The following NELL2 variants were observed in gnomAD, a reference collection of about 807,000 sequenced individuals.
NELL2 encodes protein kinase C-binding protein NELL2.
NELL2 carries 41 observed loss-of-function variants against 109.6 expected under a neutral mutation model. That is an observed-to-expected ratio of 0.37 (90% CI 0.29 to 0.49). The LOEUF (loss-of-function observed/expected upper bound fraction) is 0.49. Ranked by LOEUF, NELL2 falls within the 20% of genes least tolerant of loss-of-function variation. NELL2 has a pLI of 0.98. For missense variants in NELL2, 900 were observed against 1,008.3 expected (o/e 0.89, Z 1.45); for synonymous variants, 355 against 344.7 (o/e 1.03, Z -0.33).
intron 10 of NELL2, among the ~76,000 whole-genome samples, 190 bp from the exon 11 acceptor site, chr12:44,711,584 T>C (rs1038426308): frequency 1.2e-4 from 19 of 152,022 alleles, no homozygotes; most frequent in African/African-American, 4.6e-4. Flanking sequence ...AATAAGCAAG[T>C]CTTTAGAATA....
chr12:44,528,070 C>G (rs1481164540), intron 16 of NELL2, among the ~76,000 whole-genome samples: 1 of 127,136 alleles, frequency 7.9e-6, no homozygotes, highest in Non-Finnish European at 1.6e-5. Context: ...TGCACTCCAG[C>G]CTGGGCGACA....
At chr12:44,549,252 A>C (rs996005271) in intron 15 of NELL2, among the ~76,000 whole-genome samples, 10 of 152,204 alleles carry the variant, frequency 6.6e-5, no homozygotes, top group Non-Finnish European at 2.9e-5. Context: ...CCTTGTTGGC[A>C]CATAGCTAGA....
At chr12:44,613,087 C>T (rs901752495) in intron 13 of NELL2, among the ~76,000 whole-genome samples, 2 of 151,934 alleles carry the variant, frequency 1.3e-5, no homozygotes, top group African/African-American at 4.8e-5. Flanking sequence ...AGTGTCCTTC[C>T]CCACAGATTC....
At chr12:44,912,248 A>G (rs1055768914) in intron 1 of NELL2, among the ~76,000 whole-genome samples, 9 of 152,200 alleles carry the variant, frequency 5.9e-5, no homozygotes, top group African/African-American at 1.9e-4. Context: ...CCTTGTAAAT[A>G]ATTTATTTTT....
chr12:44,584,458 T>A (rs1226427422), intron 15 of NELL2, among the ~76,000 whole-genome samples: 1 of 152,234 alleles, frequency 6.6e-6, no homozygotes, highest in East Asian at 1.9e-4. Flanking sequence ...CTATCATGGT[T>A]TACAACCAGC....
intron 19 of NELL2, among the ~76,000 whole-genome samples, chr12:44,518,361 C>T (rs1286025956): frequency 6.6e-6 from 1 of 152,070 alleles, no homozygotes; most frequent in African/African-American, 2.4e-5. Flanking sequence ...TCTCCTACCT[C>T]AGCCTCCTGA....
At chr12:44,531,846 C>G (rs1465531649) in intron 16 of NELL2, among the ~76,000 whole-genome samples, 1 of 152,156 alleles carries the variant, frequency 6.6e-6, no homozygotes, top group Non-Finnish European at 1.5e-5. Flanking sequence ...TATGCCAAGA[C>G]TTCTGATGGC....
chr12:44,583,172 G>A (rs1361931192), intron 15 of NELL2, among the ~76,000 whole-genome samples: 1 of 152,134 alleles, frequency 6.6e-6, no homozygotes, highest in African/African-American at 2.4e-5. Context: ...AGCCAAGGAA[G>A]GTACGGTGGA....
At chr12:44,643,957 T>C (rs1946955321) in intron 13 of NELL2, among the ~76,000 whole-genome samples, 1 of 152,118 alleles carries the variant, frequency 6.6e-6, no homozygotes, top group Non-Finnish European at 1.5e-5. Flanking sequence ...ATAACAATGA[T>C]TTCACCAGGA....
At chr12:44,751,798 A>G (rs1329604513) in intron 9 of NELL2, among the ~76,000 whole-genome samples, 1 of 152,186 alleles carries the variant, frequency 6.6e-6, no homozygotes, top group Non-Finnish European at 1.5e-5. Context: ...ATTTTGCTAT[A>G]AAATTACAAA....
intron 3 of NELL2, among the ~76,000 whole-genome samples, chr12:44,807,020 TA>T (rs1943023888): frequency 6.6e-6 from 1 of 150,956 alleles, no homozygotes; most frequent in Non-Finnish European, 1.5e-5. Flanking sequence ...AGGGAAACCA[TA>T]AAAAAATTAT....
At chr12:44,675,584 T>C (rs1190704655) in intron 12 of NELL2, among the ~76,000 whole-genome samples, 1 of 152,110 alleles carries the variant, frequency 6.6e-6, no homozygotes, top group African/African-American at 2.4e-5. Flanking sequence ...GAATCATAGA[T>C]TTTTAGATCT....
chr12:44,707,249 C>A (rs1937936617), intron 11 of NELL2, among the ~76,000 whole-genome samples: 1 of 152,180 alleles, frequency 6.6e-6, no homozygotes, highest in African/African-American at 2.4e-5. Flanking sequence ...ATATTATCTA[C>A]TTCAAGCTAA....
At chr12:44,786,928 G>T (rs926811268) in intron 3 of NELL2, among the ~76,000 whole-genome samples, 3 of 151,932 alleles carry the variant, frequency 2.0e-5, no homozygotes, top group Non-Finnish European at 4.4e-5. Flanking sequence ...TAATGCATGC[G>T]GGGCTTAAAA....
chr12:44,540,485 CTGAGA>C (rs1472143827), intron 15 of NELL2, among the ~76,000 whole-genome samples: 1 of 151,998 alleles, frequency 6.6e-6, no homozygotes, highest in Non-Finnish European at 1.5e-5. Context: ...CCATGTAGAG[CTGAGA>C]TGAGACATGG....
At chr12:44,725,436 C>A (rs1386912209) in intron 9 of NELL2, among the ~76,000 whole-genome samples, 1 of 152,104 alleles carries the variant, frequency 6.6e-6, no homozygotes, top group African/African-American at 2.4e-5. Context: ...TTGTGGAAAG[C>A]AGTATGGTGA....
chr12:44,898,240 C>T (rs1438729098), intron 1 of NELL2, among the ~76,000 whole-genome samples: 1 of 152,194 alleles, frequency 6.6e-6, no homozygotes, highest in Non-Finnish European at 1.5e-5. Context: ...GATCTCCCAG[C>T]ACAGCACTCG....
At chr12:44,644,577 A>C (rs1946986910) in intron 13 of NELL2, among the ~76,000 whole-genome samples, 1 of 92,820 alleles carries the variant, frequency 1.1e-5, no homozygotes, top group Non-Finnish European at 2.1e-5. Context: ...CAGACAAAGT[A>C]AAGTATATAT....
intron 13 of NELL2, 150 bp downstream of exon 13, chr12:44,665,334 A>C (rs1734264570): frequency 3.3e-6 from 2 of 614,518 alleles, no homozygotes; most frequent in Non-Finnish European, 5.2e-6. Flanking sequence ...AGAACAGATT[A>C]AGAAATAACT....
Sources: allele counts gnomAD v4.1 joint callset (sites outside exome capture counted in the v4.1 genomes callset), GRCh38; gene constraint gnomAD v4.1.1; transcripts MANE v1.5; gene names NCBI Gene and HGNC (gene_info 2026-07-23, HGNC 2026-07-21).